The following LRP1B variants were observed in gnomAD, a reference collection of about 807,000 sequenced individuals.
LRP1B encodes the protein LDL receptor related protein 1B.
A neutral mutation model predicts 556.6 loss-of-function variants in LRP1B; 217 were observed. The observed-to-expected ratio is 0.39, with a 90% CI of 0.35 to 0.44. LRP1B has a LOEUF of 0.44. Ranked by LOEUF, LRP1B falls within the 20% of genes least tolerant of loss-of-function variation. The probability of loss-of-function intolerance (pLI) is 1.00; values close to 1 mark genes in which losing one functional copy is unlikely to be tolerated. For missense variants in LRP1B, 5,053 were observed against 5,620.8 expected, an observed-to-expected ratio of 0.90 and a Z score of 3.23; for synonymous variants, 2,047 against 1,865.8, an observed-to-expected ratio of 1.10 and a Z score of -2.50.
chr2:141,631,375 T>G (rs1236610801), intron 2 of LRP1B, among the ~76,000 whole-genome samples: 1 of 152,046 alleles, frequency 6.6e-6, no homozygotes, highest in African/African-American at 2.4e-5. Context: ...ACCTATCATA[T>G]GACAGTTTTT....
chr2:141,808,507 GT>G, intron 2 of LRP1B, among the ~76,000 whole-genome samples: 1 of 152,066 alleles, frequency 6.6e-6, no homozygotes. Flanking sequence ...TATTATTGTT[GT>G]TTTTCCACAT....
At chr2:141,101,226 A>C (rs6760423) in intron 7 of LRP1B, among the ~76,000 whole-genome samples, 55,123 of 151,878 alleles carry the variant, frequency 0.36, 10,467 homozygotes, top group East Asian at 0.66. Context: ...AGGACCAGGG[A>C]AGACTCCATG....
chr2:140,501,109 C>T (rs1041366520), intron 55 of LRP1B, among the ~76,000 whole-genome samples: 7 of 152,000 alleles, frequency 4.6e-5, no homozygotes, highest in Admixed American at 2.0e-4. Flanking sequence ...TTCTGTCCAT[C>T]GATTCTGTCA....
chr2:140,506,604 T>A (rs1689423683), intron 53 of LRP1B, among the ~76,000 whole-genome samples, 192 bp downstream of exon 53: 1 of 152,204 alleles, frequency 6.6e-6, no homozygotes, highest in Non-Finnish European at 1.5e-5. Flanking sequence ...CAAACAGGTA[T>A]GATTTCCAAA....
chr2:141,844,578 G>A (rs1697581650), intron 1 of LRP1B, among the ~76,000 whole-genome samples: 1 of 151,962 alleles, frequency 6.6e-6, no homozygotes, highest in Admixed American at 6.6e-5. Context: ...AAATAAACGA[G>A]CAAACTTGTT....
chr2:141,901,461 A>G (rs1699615983), intron 1 of LRP1B, among the ~76,000 whole-genome samples: 1 of 152,020 alleles, frequency 6.6e-6, no homozygotes, highest in Non-Finnish European at 1.5e-5. Context: ...TGTCAGTATA[A>G]AAAGCATGAA....
intron 2 of LRP1B, among the ~76,000 whole-genome samples, chr2:141,606,756 C>T (rs1166664976): frequency 6.6e-6 from 1 of 152,198 alleles, no homozygotes; most frequent in Admixed American, 6.5e-5. Flanking sequence ...ACCCTGCCAA[C>T]ACCTTGATCT....
At chr2:142,094,075 G>C (rs921010031) in intron 1 of LRP1B, among the ~76,000 whole-genome samples, 2 of 152,046 alleles carry the variant, frequency 1.3e-5, no homozygotes, top group Admixed American at 6.6e-5. Flanking sequence ...TCACATGTTG[G>C]AAAGGGTCAT....
intron 7 of LRP1B, among the ~76,000 whole-genome samples, chr2:141,139,142 A>G (rs1399439981): frequency 6.6e-6 from 1 of 151,886 alleles, no homozygotes; most frequent in Non-Finnish European, 1.5e-5. Flanking sequence ...TTAGACATCT[A>G]TATGCAAAAT....
chr2:141,900,672 A>G (rs749399240), intron 1 of LRP1B, among the ~76,000 whole-genome samples: 14 of 152,046 alleles, frequency 9.2e-5, no homozygotes, highest in Non-Finnish European at 1.3e-4. Context: ...CCCGAAATCC[A>G]AAATCACTTA....
intron 3 of LRP1B, among the ~76,000 whole-genome samples, chr2:141,320,514 G>T (rs544230153): frequency 1.3e-5 from 2 of 152,104 alleles, no homozygotes; most frequent in African/African-American, 4.8e-5. Flanking sequence ...ACACTGATGC[G>T]GAGGACCACT....
At chr2:141,583,937 A>T (rs1453203197) in intron 2 of LRP1B, among the ~76,000 whole-genome samples, 2 of 150,342 alleles carry the variant, frequency 1.3e-5, no homozygotes, top group Non-Finnish European at 2.9e-5. Flanking sequence ...ATGGGGTTTC[A>T]CTGTGTTAGC....
intron 35 of LRP1B, among the ~76,000 whole-genome samples, chr2:140,727,017 A>T (rs552705990): frequency 1.3e-5 from 2 of 152,310 alleles, no homozygotes; most frequent in Admixed American, 1.3e-4. Flanking sequence ...AAGAAAATCT[A>T]AGACAATGCA....
intron 2 of LRP1B, among the ~76,000 whole-genome samples, chr2:141,738,942 A>G (rs1214740432): frequency 6.6e-6 from 1 of 152,170 alleles, no homozygotes; most frequent in Non-Finnish European, 1.5e-5. Context: ...ATTACAACAT[A>G]GGATTGTTAT....
chr2:141,305,267 G>A (rs1573779228), intron 3 of LRP1B, among the ~76,000 whole-genome samples: 2 of 152,044 alleles, frequency 1.3e-5, no homozygotes, highest in East Asian at 1.9e-4. Flanking sequence ...TTTCATCAAC[G>A]TTTTGTAGTT....
At chr2:141,425,416 T>G (rs10186272) in intron 3 of LRP1B, among the ~76,000 whole-genome samples, 147,598 of 149,714 alleles carry the variant, frequency 0.99, 72,791 homozygotes, top group East Asian at 1. Context: ...ATGACTTATA[T>G]TCCTTTGGGT....
intron 66 of LRP1B, among the ~76,000 whole-genome samples, chr2:140,432,209 A>T (rs917200237): frequency 2.6e-5 from 4 of 152,062 alleles, no homozygotes; most frequent in African/African-American, 9.7e-5. Context: ...TGACCCCCAC[A>T]TCTGCCCACC....
At chr2:141,113,822 C>T (rs2104974300) in intron 7 of LRP1B, among the ~76,000 whole-genome samples, 1 of 152,276 alleles carries the variant, frequency 6.6e-6, no homozygotes, top group African/African-American at 2.4e-5. Flanking sequence ...TCTTTCCTCA[C>T]ATACTTATAC....
chr2:141,913,920 G>C (rs891540925), intron 1 of LRP1B, among the ~76,000 whole-genome samples: 1 of 151,950 alleles, frequency 6.6e-6, no homozygotes. Context: ...GTAATTTTTT[G>C]TATTTTTAGT....
Sources: gnomAD v4.1 joint callset for allele counts (sites outside exome capture counted in the v4.1 genomes callset) on GRCh38, gnomAD v4.1.1 for gene constraint, MANE v1.5 for transcripts, NCBI Gene and HGNC (gene_info 2026-07-23, HGNC 2026-07-21) for gene names.